The following CNTNAP2 variants were observed in gnomAD, a reference collection of about 807,000 sequenced individuals.
CNTNAP2 encodes the protein contactin associated protein 2, also known as contactin-associated protein-like 2.
CNTNAP2 carries 98 observed loss-of-function variants against 155.2 expected under a neutral mutation model. That is an observed-to-expected ratio of 0.63 (90% CI 0.54 to 0.75). CNTNAP2 has a LOEUF of 0.75. Among genes scored for constraint, CNTNAP2 ranks in the 30% least tolerant of loss-of-function variants. The pLI, the probability that CNTNAP2 is intolerant of heterozygous loss-of-function variation, is 0.00. For synonymous variants in CNTNAP2, 651 were observed against 631.2 expected (o/e 1.03, Z -0.47); for missense variants, 1,727 against 1,688.1 (o/e 1.02, Z -0.40).
intron 12 of CNTNAP2, among the ~76,000 whole-genome samples, chr7:147,575,371 GGTGTGTGT>G (rs149655952): frequency 1.1e-3 from 103 of 95,914 alleles, no homozygotes; most frequent in African/African-American, 2.9e-3. Context: ...TAGCTTTAGG[GGTGTGTGT>G]GTGTGTGTGT....
chr7:147,321,060 C>T (rs1795342935), intron 9 of CNTNAP2, among the ~76,000 whole-genome samples: 1 of 152,206 alleles, frequency 6.6e-6, no homozygotes, highest in Admixed American at 6.5e-5. Context: ...AACATCTGTT[C>T]TTGACATAGT....
chr7:148,407,992 T>C (rs968700648), intron 22 of CNTNAP2, among the ~76,000 whole-genome samples: 2 of 152,168 alleles, frequency 1.3e-5, no homozygotes, highest in African/African-American at 2.4e-5. Flanking sequence ...TGCCTGTAAT[T>C]GCAGCATTTT....
chr7:146,928,628 C>T (rs893519838), intron 3 of CNTNAP2, among the ~76,000 whole-genome samples: 2 of 152,164 alleles, frequency 1.3e-5, no homozygotes, highest in Admixed American at 6.5e-5. Flanking sequence ...CGAAGCAGGG[C>T]GAGGCATTGC....
intron 1 of CNTNAP2, among the ~76,000 whole-genome samples, chr7:146,699,239 G>A (rs910061464): frequency 6.6e-6 from 1 of 152,140 alleles, no homozygotes; most frequent in Non-Finnish European, 1.5e-5. Context: ...TTTTATGTTA[G>A]TCTGCCCAGG....
chr7:146,760,179 G>C (rs922627288), intron 1 of CNTNAP2, among the ~76,000 whole-genome samples: 1 of 151,918 alleles, frequency 6.6e-6, no homozygotes, highest in Non-Finnish European at 1.5e-5. Context: ...AATAAATAAG[G>C]TAAATGAGCC....
intron 1 of CNTNAP2, among the ~76,000 whole-genome samples, chr7:146,369,788 A>G (rs891273715): frequency 1.3e-5 from 2 of 152,064 alleles, no homozygotes; most frequent in Non-Finnish European, 2.9e-5. Context: ...TAAGAAAATA[A>G]TATTTTTATA....
intron 13 of CNTNAP2, among the ~76,000 whole-genome samples, chr7:147,708,215 G>A (rs1796347081): frequency 6.6e-6 from 1 of 152,102 alleles, no homozygotes; most frequent in Non-Finnish European, 1.5e-5. Context: ...CTTGACCCTG[G>A]GAACAGCAGT....
chr7:146,719,643 A>G (rs1801251411), intron 1 of CNTNAP2, among the ~76,000 whole-genome samples: 1 of 151,970 alleles, frequency 6.6e-6, no homozygotes, highest in South Asian at 2.1e-4. Flanking sequence ...ATTCTTTCTA[A>G]TTGAAAAGGG....
At chr7:146,135,837 G>A (rs1797789126) in intron 1 of CNTNAP2, among the ~76,000 whole-genome samples, 1 of 151,856 alleles carries the variant, frequency 6.6e-6, no homozygotes, top group African/African-American at 2.4e-5. Context: ...AATGAAATAA[G>A]AAAAATACCA....
At chr7:148,015,343 T>G (rs1433626480) in intron 15 of CNTNAP2, among the ~76,000 whole-genome samples, 1 of 152,138 alleles carries the variant, frequency 6.6e-6, no homozygotes, top group African/African-American at 2.4e-5. Flanking sequence ...CTTCCTAAGG[T>G]TCCTTTTGTG....
intron 21 of CNTNAP2, among the ~76,000 whole-genome samples, chr7:148,269,653 T>C (rs1796739179): frequency 6.6e-6 from 1 of 152,190 alleles, no homozygotes. Context: ...TCCAGACTCT[T>C]AAGTGGGTCA....
At chr7:146,135,111 G>T (rs1280572290) in intron 1 of CNTNAP2, among the ~76,000 whole-genome samples, 1 of 151,954 alleles carries the variant, frequency 6.6e-6, no homozygotes, top group Non-Finnish European at 1.5e-5. Context: ...CTGATCTATG[G>T]ACCACACATT....
At chr7:146,951,056 T>C (rs540086894) in intron 3 of CNTNAP2, among the ~76,000 whole-genome samples, 57 of 152,278 alleles carry the variant, frequency 3.7e-4, no homozygotes, top group Non-Finnish European at 6.8e-4. Flanking sequence ...GATTATGAGC[T>C]TTTTTTCATA....
chr7:147,831,349 C>G (rs1161686144), intron 13 of CNTNAP2, among the ~76,000 whole-genome samples: 1 of 152,176 alleles, frequency 6.6e-6, no homozygotes, highest in Non-Finnish European at 1.5e-5. Context: ...CGCATACACT[C>G]TTACTGAAGA....
chr7:146,294,540 G>T (rs1260974009), intron 1 of CNTNAP2, among the ~76,000 whole-genome samples: 2 of 152,190 alleles, frequency 1.3e-5, no homozygotes, highest in Non-Finnish European at 2.9e-5. Context: ...TAATGTACTT[G>T]TCAGTGTCCT....
At chr7:147,947,000 T>G (rs1800830866) in intron 14 of CNTNAP2, among the ~76,000 whole-genome samples, 1 of 151,666 alleles carries the variant, frequency 6.6e-6, no homozygotes, top group Admixed American at 6.6e-5. Context: ...AGTGTAGGGA[T>G]AAATGACTTA....
At chr7:146,326,333 A>G (rs1801097623) in intron 1 of CNTNAP2, among the ~76,000 whole-genome samples, 1 of 152,188 alleles carries the variant, frequency 6.6e-6, no homozygotes, top group Non-Finnish European at 1.5e-5. Context: ...TGTTTTCTCA[A>G]AGTCTTCAAA....
intron 1 of CNTNAP2, among the ~76,000 whole-genome samples, chr7:146,404,876 C>T (rs1315167969): frequency 6.6e-6 from 1 of 152,168 alleles, no homozygotes; most frequent in Non-Finnish European, 1.5e-5. Flanking sequence ...TTTGAGCAGT[C>T]TTCCCCTCCG....
At chr7:146,293,255 C>G (rs17170026) in intron 1 of CNTNAP2, among the ~76,000 whole-genome samples, 7,729 of 152,064 alleles carry the variant, frequency 0.051, 415 homozygotes, top group African/African-American at 0.14. Flanking sequence ...TAGGAATTCC[C>G]AGGAGAAAAT....
Sources: allele counts gnomAD v4.1 joint callset (sites outside exome capture counted in the v4.1 genomes callset), GRCh38; gene constraint gnomAD v4.1.1; transcripts MANE v1.5; gene names NCBI Gene and HGNC (gene_info 2026-07-23, HGNC 2026-07-21).